CRIM1: variants seen among roughly 807,000 people sequenced by gnomAD.
The protein encoded by CRIM1 is cysteine-rich motor neuron 1 protein.
In CRIM1, 32 loss-of-function variants were observed where a neutral mutation model predicts 116.4. The observed-to-expected ratio is 0.27, with a 90% CI of 0.21 to 0.37. The LOEUF (loss-of-function observed/expected upper bound fraction) is 0.37, where lower values mean the gene tolerates loss of function less well. Ranked by LOEUF, CRIM1 falls within the 10% of genes least tolerant of loss-of-function variation. The pLI is 1.00. For synonymous variants in CRIM1, 590 were observed against 509.2 expected (o/e 1.16, Z -2.13); for missense variants, 1,331 against 1,354.8 (o/e 0.98, Z 0.28).
chr2:36,502,731 C>G (rs1363737670), intron 8 of CRIM1, among the ~76,000 whole-genome samples: 3 of 152,158 alleles, frequency 2.0e-5, no homozygotes, highest in Non-Finnish European at 4.4e-5. Context: ...TTTGGTCCTT[C>G]AGCAGAACCC....
At chr2:36,403,952 T>C (rs1178178753) in intron 2 of CRIM1, among the ~76,000 whole-genome samples, 1 of 152,138 alleles carries the variant, frequency 6.6e-6, no homozygotes, top group Non-Finnish European at 1.5e-5. Context: ...CTGTGGTGTC[T>C]AATGACTTTT....
rs180726362 is a variant in CRIM1 at position 36,408,677 on chromosome 2, G to A, written c.505+11890G>A. On this transcript the variant is annotated intron_variant, in intron 2 of 16. Coordinates refer to ENST00000280527, the MANE Select transcript of CRIM1 (RefSeq NM_016441.3). ...TCAACCAGAGGGTTTGCATAAGCAG[G>A]AGCTGTCAGGCAATTAAAACCTCGT... 6.6e-4 allele frequency among the ~76,000 whole-genome samples: 100 copies of A among 152,250 alleles called. 1 individual carries two copies. The highest frequency in any genetic ancestry group is 5.7e-4 in the Non-Finnish European group (39 of 68,010).
rs56084308 is a variant in CRIM1 at position 36,474,847 on chromosome 2, C to CAAAAAAAAAAAAAAA, written c.992-2037_992-2023dup. 1.1e-3 allele frequency among the ~76,000 whole-genome samples: 96 copies of CAAAAAAAAAAAAAAA among 90,718 alleles called. 6 individuals are homozygous for CAAAAAAAAAAAAAAA. Among genetic ancestry groups the CAAAAAAAAAAAAAAA allele is most frequent in the Middle Eastern group, 6.2e-3 (1 of 162 alleles). 59.5% of individuals were successfully genotyped at this position (90,718 alleles called of 152,430 possible). The stretch of plus-strand genomic sequence containing the variant: ...TGGGTGACAGAGTGAGACTCTATAT[C>CAAAAAAAAAAAAAAA]AAAAAAAAAAAAAAAAAAAGACTTT... On this transcript the variant is annotated intron_variant, in intron 5 of 16. Transcript: ENST00000280527.
intron 2 of CRIM1, among the ~76,000 whole-genome samples, chr2:36,417,267 C>T (rs1367387290): frequency 6.6e-6 from 1 of 152,194 alleles, no homozygotes; most frequent in Admixed American, 6.5e-5. Context: ...CACCATACCT[C>T]TTCTGTTTTC....
intron 13 of CRIM1, among the ~76,000 whole-genome samples, chr2:36,536,200 A>T (rs989014409): frequency 2.6e-5 from 4 of 152,198 alleles, no homozygotes; most frequent in African/African-American, 9.6e-5. Flanking sequence ...ATGGCTCCTG[A>T]TGCCATTATG....
In CRIM1 at chr2:36,537,464, C is replaced by A. The variant is rs113863774; in HGVS notation, c.2541C>A (p.Thr847=). The part of the protein sequence containing the change: ...CTHCYCLQGQ[T]LCSTVSCPPL... ...ACTGCTACTGCCTGCAGGGCCAGAC[C>A]CTCTGCTCGACCGTCAGCTGCCCCC... The change falls in exon 14 of 17, where the codon ACC becomes ACA. Residue 847 remains threonine, a synonymous_variant. Coordinates refer to ENST00000280527, the MANE Select transcript of CRIM1 (RefSeq NM_016441.3). 4.3e-3 allele frequency: 6,986 copies of A among 1,614,218 alleles called. 34 individuals are homozygous for A. The highest frequency in any genetic ancestry group is 4.7e-3 in the Non-Finnish European group (5,603 of 1,180,036).
intron 12 of CRIM1, 141 bp from the exon 13 acceptor site, chr2:36,521,951 T>TA: frequency 1.5e-6 from 1 of 664,764 alleles, no homozygotes; most frequent in Non-Finnish European, 2.7e-6. Context: ...TCCCGAATCA[T>TA]ACTTTCTGAT....
Position 36,498,217 on chromosome 2 carries a change from G to C in CRIM1, c.1373-1002G>C, listed in dbSNP as rs151131228. 9.6e-3 allele frequency among the ~76,000 whole-genome samples: 1,460 copies of C among 152,252 alleles called. 15 individuals are homozygous for C. The highest frequency in any genetic ancestry group is 0.033 in the African/African-American group (1,353 of 41,536). On this transcript the variant is annotated intron_variant, in intron 7 of 16. Coordinates refer to ENST00000280527, the MANE Select transcript of CRIM1 (RefSeq NM_016441.3). ...CCCACAACCTGGCATTATATAAACTGTCCCTTATTGATGCATTGAGAAACA... is the reference window on the plus strand; with the variant it reads ...CCCACAACCTGGCATTATATAAACTCTCCCTTATTGATGCATTGAGAAACA...
At chr2:36,507,024 T>A (rs915743808) in intron 8 of CRIM1, among the ~76,000 whole-genome samples, 5 of 152,072 alleles carry the variant, frequency 3.3e-5, no homozygotes, top group African/African-American at 1.2e-4. Context: ...CACACCCAGC[T>A]AATGTTTTAT....
chr2:36,375,460 C>T (rs1277477681), intron 1 of CRIM1, among the ~76,000 whole-genome samples: 2 of 152,098 alleles, frequency 1.3e-5, no homozygotes, highest in Non-Finnish European at 2.9e-5. Flanking sequence ...ATTGCATAAA[C>T]GGTATACAAA....
chr2:36,410,756 A>G (rs528661507), intron 2 of CRIM1, among the ~76,000 whole-genome samples: 4 of 152,306 alleles, frequency 2.6e-5, no homozygotes, highest in South Asian at 2.1e-4. Context: ...AAAAAGTCCA[A>G]TCTGCCTCAC....
chr2:36,489,016 T>C lies in CRIM1; in HGVS notation c.1372+9322T>C, dbSNP rs77255660. ...TTACCTCATCCCTGACTGCAGCTTA[T>C]TCTTTTCTAGCTAAAATTTACCTGG... On this transcript the variant is annotated intron_variant, in intron 7 of 16. Coordinates refer to ENST00000280527, the MANE Select transcript of CRIM1 (RefSeq NM_016441.3). Among the ~76,000 whole-genome samples the C allele has an allele frequency of 1.2e-3, 178 of 152,350 alleles. 3 individuals carry two copies. In the East Asian group the frequency reaches 0.031, roughly 26 times the overall value.
At chr2:36,548,153 T>C (rs1046045974) in intron 16 of CRIM1, among the ~76,000 whole-genome samples, 1 of 152,206 alleles carries the variant, frequency 6.6e-6, no homozygotes, top group African/African-American at 2.4e-5. Flanking sequence ...TTGTACAGTC[T>C]GAGTGGTTAG....
intron 2 of CRIM1, among the ~76,000 whole-genome samples, chr2:36,408,846 A>G (rs1030171137): frequency 7.9e-5 from 12 of 152,236 alleles, no homozygotes; most frequent in African/African-American, 2.9e-4. Flanking sequence ...GAGCATAACC[A>G]CTTTAGCATA....
At chr2:36,420,664 G>C (rs1407682414) in intron 2 of CRIM1, among the ~76,000 whole-genome samples, 1 of 148,418 alleles carries the variant, frequency 6.7e-6, no homozygotes, top group Non-Finnish European at 1.5e-5. Flanking sequence ...GTGGAGCTGA[G>C]GTTTGCAGGA....
At chr2:36,383,833 G>T (rs1430446429) in intron 1 of CRIM1, among the ~76,000 whole-genome samples, 12 of 152,188 alleles carry the variant, frequency 7.9e-5, no homozygotes. Flanking sequence ...AGAGAAATGG[G>T]ATCCGTAAAG....
At chr2:36,548,473 T>G in intron 16 of CRIM1, 52 bp from the exon 17 acceptor site, 1 of 1,388,912 alleles carries the variant, frequency 7.2e-7, no homozygotes, top group Non-Finnish European at 9.8e-7. Context: ...TCATTTGAGA[T>G]AATGTAAAGC....
intron 5 of CRIM1, among the ~76,000 whole-genome samples, chr2:36,471,761 C>A (rs2689709): frequency 0.018 from 2,266 of 128,588 alleles, 21 homozygotes; most frequent in South Asian, 0.031. Flanking sequence ...ACACACACAC[C>A]ATCTTACAAT....
intron 13 of CRIM1, among the ~76,000 whole-genome samples, chr2:36,532,559 G>C (rs1046385104): frequency 6.6e-6 from 1 of 152,134 alleles, no homozygotes; most frequent in African/African-American, 2.4e-5. Context: ...AGATAAATTC[G>C]AGTCCCCATT....
Sources: gnomAD v4.1 joint callset for allele counts (sites outside exome capture counted in the v4.1 genomes callset) on GRCh38, gnomAD v4.1.1 for gene constraint, MANE v1.5 for transcripts, NCBI Gene and HGNC (gene_info 2026-07-23, HGNC 2026-07-21) for gene names.